BDKRB2: variants seen among roughly 807,000 people sequenced by gnomAD.
The protein encoded by BDKRB2 is B2 bradykinin receptor.
In BDKRB2, 6 loss-of-function variants were observed where a neutral mutation model predicts 4.0. The observed-to-expected ratio is 1.49, with a 90% CI of 0.81 to 2.93. The LOEUF is 2.93. BDKRB2 is among the 30% of genes most tolerant of loss of function. The pLI, the probability that BDKRB2 is intolerant of heterozygous loss-of-function variation, is 0.00. For missense variants in BDKRB2, 478 were observed against 520.1 expected (o/e 0.92, Z 0.79); for synonymous variants, 225 against 215.3 (o/e 1.05, Z -0.40).
rs1163536778 is a variant in BDKRB2 at position 96,216,678 on chromosome 14, AAGG to A, written c.-40+11733_-40+11735del. Reference sequence around the variant, plus strand: ...AAAGAAGGAGGAGAAGAGGAAGAAGAAGGAGGAGGAGGAGGAAGGAGGAGGAAG... The same window carrying A: ...AAAGAAGGAGGAGAAGAGGAAGAAGAAGGAGGAGGAGGAAGGAGGAGGAAG... On this transcript the variant is annotated intron_variant, in intron 1 of 2. Transcript: ENST00000554311. Among the ~76,000 whole-genome samples the A allele has an allele frequency of 3.7e-4, 51 of 136,884 alleles. No homozygotes were observed. The South Asian group carries it at 6.3e-3, about 17-fold the overall frequency. The allele number at this position is 136,884 out of a possible 152,430, so 89.8% of individuals were successfully genotyped here.
Position 96,240,970 on chromosome 14 carries a change from C to T in BDKRB2, c.642C>T (p.Ser214=). ...ACAACGTCACCGCTTGTGTCATCAGCTACCCATCCCTCATCTGGGAAGTGT... is the reference window on the plus strand; with the variant it reads ...ACAACGTCACCGCTTGTGTCATCAGTTACCCATCCCTCATCTGGGAAGTGT... The part of the protein sequence containing the change: ...EGHNVTACVI[S]YPSLIWEVFT... Residue 214 remains serine, a synonymous_variant, in exon 3 of 3, where the codon AGC becomes AGT. Coordinates refer to ENST00000554311, the MANE Select transcript of BDKRB2 (RefSeq NM_001379692.1). 6.3e-7 allele frequency: 1 copy of T among 1,593,738 alleles called. No individual in the cohort carries two copies. The highest frequency in any genetic ancestry group is 8.6e-7 in the Non-Finnish European group (1 of 1,168,006).
chr14:96,207,545 C>T (rs1236383932), intron 1 of BDKRB2, among the ~76,000 whole-genome samples: 7 of 152,100 alleles, frequency 4.6e-5, no homozygotes, highest in African/African-American at 1.2e-4. Flanking sequence ...TGTCATTGTG[C>T]GTTTGTGCAA....
At chr14:96,227,570 T>C (rs931943033) in intron 1 of BDKRB2, among the ~76,000 whole-genome samples, 5 of 151,932 alleles carry the variant, frequency 3.3e-5, no homozygotes, top group Non-Finnish European at 7.4e-5. Flanking sequence ...CACACACATG[T>C]GTGCACAAAC....
At chr14:96,208,064 C>T (rs1277835017) in intron 1 of BDKRB2, among the ~76,000 whole-genome samples, 1 of 152,218 alleles carries the variant, frequency 6.6e-6, no homozygotes, top group African/African-American at 2.4e-5. Context: ...ACTGCCCCCA[C>T]TGAGCAATGG....
chr14:96,239,822 C>T (rs1211334437), intron 2 of BDKRB2: 1 of 985,458 alleles, frequency 1.0e-6, no homozygotes, highest in Non-Finnish European at 1.2e-6. Context: ...CCCTCGCCAT[C>T]TGTATCCTCC....
rs1310843072 is a variant in BDKRB2 at position 96,243,791 on chromosome 14, C to A, written c.*2287C>A. 5.8e-6 allele frequency: 1 copy of A among 172,196 alleles called. No homozygotes were observed. Among genetic ancestry groups the A allele is most frequent in the African/African-American group, 2.4e-5 (1 of 42,238 alleles). The allele number at this position is 172,196 out of a possible 1,614,324, so 10.7% of individuals were successfully genotyped here. ...AAACAGGTGAAAGAAGAAGTAAAAA[C>A]CATTTAGTATTAGTATTAGAATGAA... On this transcript the variant is annotated 3_prime_UTR_variant, in exon 3 of 3. Transcript: ENST00000554311.
At chr14:96,219,581 CAA>C (rs374282062) in intron 1 of BDKRB2, among the ~76,000 whole-genome samples, 7 of 135,958 alleles carry the variant, frequency 5.1e-5, no homozygotes, top group African/African-American at 8.2e-5. Flanking sequence ...CTAACTGTAG[CAA>C]AAAAAAAAAA....
At chr14:96,224,892 A>G (rs909647912) in intron 1 of BDKRB2, among the ~76,000 whole-genome samples, 4 of 152,218 alleles carry the variant, frequency 2.6e-5, no homozygotes, top group African/African-American at 4.8e-5. Context: ...CAAAGGTCAC[A>G]TGGCTAGGGT....
At chr14:96,214,572 G>A (rs1298834639) in intron 1 of BDKRB2, 1 of 152,422 alleles carries the variant, frequency 6.6e-6, no homozygotes, top group Middle Eastern at 3.4e-3. Context: ...CCCTCGTCCA[G>A]ACCCCTTCGT....
chr14:96,211,855 A>G (rs1368064353), intron 1 of BDKRB2, among the ~76,000 whole-genome samples: 2 of 152,202 alleles, frequency 1.3e-5, no homozygotes, highest in African/African-American at 4.8e-5. Flanking sequence ...AGGCCGGTGC[A>G]TTACAGGGCA....
chr14:96,223,324 C>T (rs1890619436), intron 1 of BDKRB2: 2 of 1,052,162 alleles, frequency 1.9e-6, no homozygotes, highest in Admixed American at 1.7e-5. Flanking sequence ...CCGGCGCCCA[C>T]CACCCAAGAA....
At chr14:96,214,249 A>G (rs1890368103) in intron 1 of BDKRB2, among the ~76,000 whole-genome samples, 1 of 151,940 alleles carries the variant, frequency 6.6e-6, no homozygotes, top group Non-Finnish European at 1.5e-5. Flanking sequence ...ATCTTCCGGG[A>G]GTCTGTTTGG....
intron 1 of BDKRB2, among the ~76,000 whole-genome samples, chr14:96,230,099 A>C (rs935252107): frequency 6.6e-6 from 1 of 151,868 alleles, no homozygotes; most frequent in East Asian, 2.0e-4. Context: ...ATGCCACTGC[A>C]CTCCAGCCTG....
At chr14:96,209,772 G>A (rs2139765550) in intron 1 of BDKRB2, among the ~76,000 whole-genome samples, 1 of 152,264 alleles carries the variant, frequency 6.6e-6, no homozygotes, top group East Asian at 1.9e-4. Context: ...AAGTTGTGTG[G>A]ATCACCTGAG....
At chr14:96,234,964 C>G (rs918660454) in intron 1 of BDKRB2, among the ~76,000 whole-genome samples, 4 of 152,160 alleles carry the variant, frequency 2.6e-5, no homozygotes, top group African/African-American at 9.7e-5. Context: ...GAGTGAGCCC[C>G]AAGAGGACAG....
Position 96,243,373 on chromosome 14 carries a change from G to T in BDKRB2, c.*1869G>T, listed in dbSNP as rs1487089221. ...GCTGGAATCTGGAGAGCTAGAACCT[G>T]GAGGGCTAGAACCTGGAGGGCTAGA... On this transcript the variant is annotated 3_prime_UTR_variant, in exon 3 of 3. Coordinates refer to ENST00000554311, the MANE Select transcript of BDKRB2 (RefSeq NM_001379692.1). 6.9e-6 allele frequency: 1 copy of T among 145,282 alleles called. No homozygotes were observed. Among genetic ancestry groups the T allele is most frequent in the Non-Finnish European group, 1.5e-5 (1 of 67,532 alleles). 9.0% of individuals were successfully genotyped at this position (145,282 alleles called of 1,614,324 possible). A position where few individuals can be genotyped will look rare whatever the true frequency, so the allele number is the denominator to read the frequency against.
Position 96,231,494 on chromosome 14 carries a change from C to G in BDKRB2, c.-39-5575C>G, listed in dbSNP as rs190682402. Among the ~76,000 whole-genome samples the G allele has an allele frequency of 3.5e-4, 53 of 152,304 alleles. No homozygotes were observed. In the East Asian group the frequency reaches 9.1e-3, roughly 26 times the overall value. ...TATGGTTTATGAGGCGCCATCACCC[C>G]CTTCCGCCACCCCCTGCCTGCTGTG... On this transcript the variant is annotated intron_variant, in intron 1 of 2. Coordinates refer to ENST00000554311, the MANE Select transcript of BDKRB2 (RefSeq NM_001379692.1).
intron 1 of BDKRB2, among the ~76,000 whole-genome samples, chr14:96,209,257 A>G (rs1890252056): frequency 6.6e-6 from 1 of 152,180 alleles, no homozygotes; most frequent in African/African-American, 2.4e-5. Context: ...ACTTCAATTG[A>G]CATTTATCGA....
intron 1 of BDKRB2, among the ~76,000 whole-genome samples, chr14:96,218,527 C>T (rs567939399): frequency 6.6e-6 from 1 of 152,122 alleles, no homozygotes; most frequent in Non-Finnish European, 1.5e-5. Flanking sequence ...ACAAGGGAAG[C>T]CCAAGGACAT....
Sources: gnomAD v4.1 joint callset for allele counts (sites outside exome capture counted in the v4.1 genomes callset) on GRCh38, gnomAD v4.1.1 for gene constraint, MANE v1.5 for transcripts, NCBI Gene and HGNC (gene_info 2026-07-23, HGNC 2026-07-21) for gene names.